The following CSF2RA variants were observed in gnomAD, a reference collection of about 807,000 sequenced individuals.
CSF2RA encodes the protein colony stimulating factor 2 receptor subunit alpha, also known as granulocyte-macrophage colony-stimulating factor receptor subunit alpha.
In CSF2RA, 42 loss-of-function variants were observed where a neutral mutation model predicts 51.6. That is an observed-to-expected ratio of 0.81 (90% CI 0.64 to 1.05). The LOEUF is 1.05. Among genes scored for constraint, CSF2RA ranks in the 50% least tolerant of loss-of-function variants. CSF2RA has a pLI of 0.00. For missense variants in CSF2RA, 530 were observed against 501.1 expected (o/e 1.06, Z -0.55); for synonymous variants, 222 against 193.0 (o/e 1.15, Z -1.24).
At chrX:1,283,048 G>A (rs1372253375) in intron 3 of CSF2RA, among the ~76,000 whole-genome samples, 1 of 152,112 alleles carries the variant, frequency 6.6e-6, no homozygotes, top group African/African-American at 2.4e-5. Context: ...TCCAGGTAGT[G>A]ATGGGGCCAG....
rs148555099 is a variant in CSF2RA at position 1,295,218 on chromosome X, A to G, written c.781-209A>G. ...GGACCTTTCTGGATGGGTTACAGGA[A>G]GATATCTGGCCAGGAAGACTTCTGT... On this transcript the variant is annotated intron_variant, in intron 8 of 12. Transcript: ENST00000381529. 6.1e-3 allele frequency among the ~76,000 whole-genome samples: 820 copies of G among 135,122 alleles called. 9 individuals are homozygous for G. Among genetic ancestry groups the G allele is most frequent in the African/African-American group, 0.021 (776 of 36,192 alleles). 88.6% of individuals were successfully genotyped at this position (135,122 alleles called of 152,430 possible).
chrX:1,314,967 A>ACTGTGCCTGCCCAACCCCT (rs2084499262), downstream of CSF2RA, among the ~76,000 whole-genome samples: 2 of 105,230 alleles, frequency 1.9e-5, no homozygotes, highest in African/African-American at 3.5e-5. Context: ...GCCCAACCCC[A>ACTGTGCCTGCCCAACCCCT]CTGTGCCTGC....
chrX:1,298,097 T>C (rs2092096190), intron 9 of CSF2RA, among the ~76,000 whole-genome samples: 1 of 8,386 alleles, frequency 1.2e-4, no homozygotes, highest in Middle Eastern at 0.12. Context: ...TACAATCCCC[T>C]ACTCACAACC....
At chrX:1,324,921 C>T in the CSF2RA span, among the ~76,000 whole-genome samples, 8 of 152,072 alleles carry the variant, frequency 5.3e-5, no homozygotes, top group African/African-American at 1.9e-4. Context: ...ACTGGGTACT[C>T]AGCGATCACA....
At chrX:1,323,317 C>T in the CSF2RA span, among the ~76,000 whole-genome samples, 44,011 of 150,426 alleles carry the variant, frequency 0.29, 6,425 homozygotes, top group East Asian at 0.43. Flanking sequence ...AGTTCAAGAC[C>T]GGCCTGGCCA....
chrX:1,303,934 G>A lies in CSF2RA; in HGVS notation c.958G>A (p.Gly320Arg), dbSNP rs760296852. 3.7e-6 allele frequency: 6 copies of A among 1,613,470 alleles called. No homozygotes were observed. Among genetic ancestry groups the A allele is most frequent in the Non-Finnish European group, 5.1e-6 (6 of 1,179,692 alleles). The change falls in exon 11 of 13, where the codon GGG (glycine) becomes AGG (arginine). Residue 320 changes from glycine to arginine, a missense_variant. Gly to Arg is a moderately radical substitution (Grantham distance 125, BLOSUM62 -2). Transcript: ENST00000381529. ...SEAIEFGSDD[G>R]NLGSVYIYVL... Reference sequence around the variant, plus strand: ...GTGTGTCTCTCCAGGTTCTGACGACGGGAACCTCGGCTCTGTGTACATTTA... The same window carrying A: ...GTGTGTCTCTCCAGGTTCTGACGACAGGAACCTCGGCTCTGTGTACATTTA...
At chrX:1,314,459 A>ACCTGCCCAACCCCACTGTG (rs2084382724), downstream of CSF2RA, among the ~76,000 whole-genome samples, 1 of 96,692 alleles carries the variant, frequency 1.0e-5, no homozygotes, top group African/African-American at 4.3e-5. Flanking sequence ...ATTGCACTGC[A>ACCTGCCCAACCCCACTGTG]CCTGCCCAAC....
intron 9 of CSF2RA, 97 bp from the exon 10 acceptor site, chrX:1,300,394 A>G: frequency 7.0e-7 from 1 of 1,422,652 alleles, no homozygotes; most frequent in Non-Finnish European, 9.7e-7. Flanking sequence ...AAAAAAAGAA[A>G]AGGAGAAAAA....
chrX:1,272,466 A>C (rs1234323347), intron 1 of CSF2RA, among the ~76,000 whole-genome samples: 1 of 122,528 alleles, frequency 8.2e-6, no homozygotes, highest in Non-Finnish European at 1.8e-5. Context: ...CTGAACTCTG[A>C]TTTTTTTCTT....
chrX:1,287,750 T>C (rs1232940304), intron 4 of CSF2RA, among the ~76,000 whole-genome samples: 2 of 109,182 alleles, frequency 1.8e-5, no homozygotes, highest in East Asian at 3.3e-4. Flanking sequence ...GACCCTTTTT[T>C]TGGGGGGATG....
chrX:1,305,389 G>T, intron 11 of CSF2RA, 57 bp from the exon 12 acceptor site: 1 of 1,595,858 alleles, frequency 6.3e-7, no homozygotes, highest in Non-Finnish European at 8.6e-7. Flanking sequence ...GGCGTTGATG[G>T]AAGGAACTCT....
rs754421616 is a variant in CSF2RA, at chrX:1,275,810, A to G, written c.-27+992A>G. ...CCTGACTTCGTGATCCGCCCGCCTC[A>G]GCCTCCCAAAGTGTTGGGATTACAG... On this transcript the variant is annotated intron_variant, in intron 2 of 12. Coordinates refer to ENST00000381529, the MANE Select transcript of CSF2RA (RefSeq NM_172245.4). Among the ~76,000 whole-genome samples, 348 of 152,040 alleles carry G rather than the reference A, an allele frequency of 2.3e-3. 2 individuals carry two copies. Among genetic ancestry groups the G allele is most frequent in the Non-Finnish European group, 3.7e-3 (254 of 67,982 alleles).
chrX:1,307,942 G>A (rs1349635399), intron 12 of CSF2RA, among the ~76,000 whole-genome samples: 1 of 149,426 alleles, frequency 6.7e-6, no homozygotes, highest in Non-Finnish European at 1.5e-5. Context: ...ATTAGATGAA[G>A]CCCACCCTTC....
intron 7 of CSF2RA, chrX:1,294,070 A>G: frequency 3.7e-6 from 1 of 272,990 alleles, no homozygotes; most frequent in African/African-American, 4.0e-5. Flanking sequence ...GACCGAGTGT[A>G]GACAGGAGGA....
At position 1,288,886 on chromosome X, in the gene CSF2RA, AAAGT is replaced by A; in HGVS notation, c.473+3_473+6del. The A allele has an allele frequency of 6.3e-7, 1 of 1,590,104 alleles. No individual in the cohort carries two copies. Among genetic ancestry groups the A allele is most frequent in the African/African-American group, 1.4e-5 (1 of 73,956 alleles). On this transcript the variant is annotated splice_donor_variant and coding_sequence_variant, in exon 6 of 13. Coordinates refer to ENST00000381529, the MANE Select transcript of CSF2RA (RefSeq NM_172245.4). LOFTEE classifies it high-confidence loss of function. Reference sequence around the variant, plus strand: ...AGTATTTTTTGTACATACGAAACTCAAAGTAAGTGTTCACCTCATGTGAAGAATT... The same window carrying A: ...AGTATTTTTTGTACATACGAAACTCAAAGTGTTCACCTCATGTGAAGAATT...
intron 10 of CSF2RA, 125 bp downstream of exon 10, chrX:1,300,751 A>C: frequency 7.9e-7 from 1 of 1,258,744 alleles, no homozygotes. Flanking sequence ...GAGTAGTGTC[A>C]GGCTCTGAGC....
rs781142438 is a variant in CSF2RA, at chrX:1,298,720, C to T, written c.811-1771C>T. Among the ~76,000 whole-genome samples the T allele has an allele frequency of 4.8e-3, 201 of 42,192 alleles. 12 individuals are homozygous for T. The highest frequency in any genetic ancestry group is 0.044 in the South Asian group (51 of 1,166). The allele number at this position is 42,192 out of a possible 152,430, so 27.7% of individuals were successfully genotyped here. On this transcript the variant is annotated intron_variant, in intron 9 of 12. Transcript: ENST00000381529. ...TGACCTCTGGTGGAACCCTACAGTC[C>T]CCTACTCACGACCCCTAGTGTAACC...
At chrX:1,273,581 G>A (rs1333659794) in intron 1 of CSF2RA, among the ~76,000 whole-genome samples, 4 of 150,262 alleles carry the variant, frequency 2.7e-5, no homozygotes, top group African/African-American at 4.9e-5. Flanking sequence ...CAACCGCCTC[G>A]GCCTCCCAAA....
At chrX:1,285,339 C>G (rs1198470171) in intron 3 of CSF2RA, among the ~76,000 whole-genome samples, 1 of 151,968 alleles carries the variant, frequency 6.6e-6, no homozygotes. Context: ...ATGTGGGTGA[C>G]AGAGGAAAAT....
Sources: gnomAD v4.1 joint callset for allele counts (sites outside exome capture counted in the v4.1 genomes callset) on GRCh38, gnomAD v4.1.1 for gene constraint, MANE v1.5 for transcripts, NCBI Gene and HGNC (gene_info 2026-07-23, HGNC 2026-07-21) for gene names.